Variants in WDR25 observed in about 807,000 individuals in gnomAD.
The protein encoded by WDR25 is WD repeat-containing protein 25.
WDR25 carries 35 observed loss-of-function variants against 47.7 expected under a neutral mutation model. The observed-to-expected ratio is 0.73, with a 90% CI of 0.56 to 0.97. WDR25 has a LOEUF of 0.97. WDR25 is among the 50% of genes least tolerant of loss of function. WDR25 has a pLI of 0.00. For synonymous variants in WDR25, 248 were observed against 278.9 expected, an observed-to-expected ratio of 0.89 and a Z score of 1.10; for missense variants, 634 against 704.7, an observed-to-expected ratio of 0.90 and a Z score of 1.14.
rs561382386 is a variant in WDR25, at chr14:100,452,684, G to A, written c.823-15337G>A. ...ATTCCAGGTGTGATGGGAAGCCACT[G>A]GATAGTTTGTGGGGTGGGGGGCTAT... On this transcript the variant is annotated intron_variant, in intron 2 of 6. Transcript: ENST00000402312. Among the ~76,000 whole-genome samples, 5 of 152,276 alleles carry A rather than the reference G, an allele frequency of 3.3e-5. No homozygotes were observed. The South Asian group carries it at 1.0e-3, about 32-fold the overall frequency.
chr14:100,511,383 A>G (rs967290408), intron 4 of WDR25, among the ~76,000 whole-genome samples: 1 of 152,196 alleles, frequency 6.6e-6, no homozygotes, highest in Non-Finnish European at 1.5e-5. Context: ...TGAATTCTGT[A>G]ACTCTTCTAA....
At position 100,459,930 on chromosome 14, in the gene WDR25, A is replaced by T. The variant is rs1168333097; in HGVS notation, c.823-8091A>T. Among the ~76,000 whole-genome samples the T allele has an allele frequency of 2.7e-5, 3 of 110,268 alleles. No individual in the cohort carries two copies. In the South Asian group the frequency reaches 8.3e-4, roughly 31 times the overall value. The allele number at this position is 110,268 out of a possible 152,430, so 72.3% of individuals were successfully genotyped here. On this transcript the variant is annotated intron_variant, in intron 2 of 6. Transcript: ENST00000402312. Reference sequence around the variant, plus strand: ...TATATATATATATATATATATATATATATATATATACACATACACATACAC... The same window carrying T: ...TATATATATATATATATATATATATTTATATATATACACATACACATACAC...
chr14:100,525,924 C>A lies in WDR25; in HGVS notation c.1156C>A (p.Arg386=), dbSNP rs200027763. 6.2e-7 allele frequency: 1 copy of A among 1,613,994 alleles called. No individual in the cohort carries two copies. Among genetic ancestry groups the A allele is most frequent in the Admixed American group, 1.7e-5 (1 of 60,020 alleles). ...IQQTLDILFL[R]EGSEFLSSTD... ...GCAGACCTTGGACATCCTGTTCCTCCGGGAAGGCTCCGAGTTCCTGAGCAG... is the reference window on the plus strand; with the variant it reads ...GCAGACCTTGGACATCCTGTTCCTCAGGGAAGGCTCCGAGTTCCTGAGCAG... Residue 386 remains arginine (R), a synonymous_variant, in exon 5 of 7, where the codon CGG becomes AGG. Transcript: ENST00000402312. The surrounding 1 kb of genome is among the most constrained non-coding windows in gnomAD (Gnocchi z 4.6).
chr14:100,505,340 C>T (rs919284617), intron 4 of WDR25, among the ~76,000 whole-genome samples: 9 of 152,268 alleles, frequency 5.9e-5, no homozygotes, highest in East Asian at 3.9e-4. Context: ...TTTGTTGAAA[C>T]GACATTATTT....
intron 1 of WDR25, 37 bp downstream of exon 1, chr14:100,376,532 G>T: frequency 8.1e-7 from 1 of 1,231,998 alleles, no homozygotes; most frequent in Non-Finnish European, 1.0e-6. Context: ...GGCTGGAGGG[G>T]CCGGGACTGG....
At position 100,518,373 on chromosome 14, in the gene WDR25, AT is replaced by A. The variant is rs547010757; in HGVS notation, c.1102-7486del. ...ATTGTTCTCCTCTGTGTAATTCTTC[AT>A]TTTTTTTTTTCCTGGGCACTGTCAA... On this transcript the variant is annotated intron_variant, in intron 4 of 6. Transcript: ENST00000402312. Among the ~76,000 whole-genome samples the A allele has an allele frequency of 4.2e-3, 597 of 141,242 alleles. 7 individuals are homozygous for A. The highest frequency in any genetic ancestry group is 0.012 in the African/African-American group (478 of 38,594). 92.7% of individuals were successfully genotyped at this position (141,242 alleles called of 152,430 possible).
At chr14:100,516,139 C>A (rs186809283) in intron 4 of WDR25, among the ~76,000 whole-genome samples, 1 of 151,854 alleles carries the variant, frequency 6.6e-6, no homozygotes, top group Non-Finnish European at 1.5e-5. Flanking sequence ...TTTTTGGATG[C>A]GGTTGTATTG....
chr14:100,425,058 G>A lies in WDR25; in HGVS notation c.823-42963G>A, dbSNP rs1321787332. On this transcript the variant is annotated intron_variant, in intron 2 of 6. Coordinates refer to ENST00000402312, the MANE Select transcript of WDR25 (RefSeq NM_001161476.3). This position sits in a 1 kb window ranked among gnomAD's most constrained non-coding sequence, Gnocchi z 4.8. The stretch of plus-strand genomic sequence containing the variant: ...ACCATCATATCTTGCCAAGACAAGT[G>A]CAGCAGCCTCAGAAATGTTCTCCCC... 6.6e-6 allele frequency among the ~76,000 whole-genome samples: 1 copy of A among 152,188 alleles called. No homozygotes were observed. The highest frequency in any genetic ancestry group is 1.5e-5 in the Non-Finnish European group (1 of 68,032).
intron 5 of WDR25, among the ~76,000 whole-genome samples, chr14:100,527,225 TACC>T (rs1347190739): frequency 6.7e-6 from 1 of 149,250 alleles, no homozygotes; most frequent in Non-Finnish European, 1.5e-5. Flanking sequence ...CCACCACCAT[TACC>T]ACCATCATCA....
chr14:100,516,508 A>G (rs1032638275), intron 4 of WDR25, among the ~76,000 whole-genome samples: 16 of 152,214 alleles, frequency 1.1e-4, no homozygotes, highest in Admixed American at 5.9e-4. Flanking sequence ...TCTCCTTTCA[A>G]TTCCATCAGT....
At chr14:100,437,643 A>G (rs1322784911) in intron 2 of WDR25, among the ~76,000 whole-genome samples, 1 of 152,146 alleles carries the variant, frequency 6.6e-6, no homozygotes, top group Non-Finnish European at 1.5e-5. Context: ...CATTATTATT[A>G]TTAGTATTAT....
chr14:100,526,692 A>G (rs1037943781), intron 5 of WDR25, among the ~76,000 whole-genome samples: 3 of 148,586 alleles, frequency 2.0e-5, no homozygotes, highest in Admixed American at 6.7e-5. Context: ...CACTGCCACC[A>G]TCATCGTCAC....
chr14:100,479,719 C>G (rs1900136375), intron 3 of WDR25, among the ~76,000 whole-genome samples: 1 of 152,200 alleles, frequency 6.6e-6, no homozygotes, highest in African/African-American at 2.4e-5. Context: ...GGATCCCCAA[C>G]CCCTGGGCCA....
Position 100,523,852 on chromosome 14 carries a change from G to A in WDR25, c.1102-2018G>A, listed in dbSNP as rs1274786932. Among the ~76,000 whole-genome samples, 3 of 152,224 alleles carry A rather than the reference G, an allele frequency of 2.0e-5. No individual in the cohort carries two copies. Among genetic ancestry groups the A allele is most frequent in the South Asian group, 4.1e-4 (2 of 4,824 alleles). On this transcript the variant is annotated intron_variant, in intron 4 of 6. Transcript: ENST00000402312. The surrounding 1 kb of genome is among the most constrained non-coding windows in gnomAD (Gnocchi z 4.7). ...CTTTTGGATCCAGCTCGTTAGGCTCGGGTAGCAGCGTCCCATGCCAGCTGT... is the reference window on the plus strand; with the variant it reads ...CTTTTGGATCCAGCTCGTTAGGCTCAGGTAGCAGCGTCCCATGCCAGCTGT...
intron 3 of WDR25, among the ~76,000 whole-genome samples, chr14:100,477,820 C>T (rs577118274): frequency 5.9e-5 from 9 of 152,262 alleles, no homozygotes; most frequent in Admixed American, 2.0e-4. Context: ...AGCCGGGCGC[C>T]GTGGCTCACG....
intron 4 of WDR25, among the ~76,000 whole-genome samples, chr14:100,510,977 G>A (rs567582386): frequency 8.2e-4 from 124 of 151,884 alleles, no homozygotes; most frequent in African/African-American, 2.8e-3. Context: ...AAATCAGCTC[G>A]TATAAGTCTT....
At position 100,529,809 on chromosome 14, in the gene WDR25, C is replaced by T. The variant is rs1449357018; in HGVS notation, c.1414-11C>T. On this transcript the variant is annotated splice_polypyrimidine_tract_variant and intron_variant, in intron 6 of 6. Transcript: ENST00000402312. The surrounding 1 kb of genome is among the most constrained non-coding windows in gnomAD (Gnocchi z 5.1). ...GTGCGGCTTGCTCACCCACTGTGTCCCTCTCTGCAGGTGGAGGGCTACTCA... is the reference window on the plus strand; with the variant it reads ...GTGCGGCTTGCTCACCCACTGTGTCTCTCTCTGCAGGTGGAGGGCTACTCA... The T allele has an allele frequency of 1.2e-6, 2 of 1,609,890 alleles. No individual in the cohort carries two copies. Among genetic ancestry groups the T allele is most frequent in the Non-Finnish European group, 1.7e-6 (2 of 1,179,208 alleles).
At chr14:100,376,896 A>G in intron 1 of WDR25, 1 of 485,078 alleles carries the variant, frequency 2.1e-6, no homozygotes, top group East Asian at 6.2e-5. Flanking sequence ...TTTGCATTCC[A>G]GAAATATTTT....
intron 3 of WDR25, among the ~76,000 whole-genome samples, chr14:100,483,267 A>G (rs1429371154): frequency 6.6e-6 from 1 of 152,204 alleles, no homozygotes; most frequent in African/African-American, 2.4e-5. Flanking sequence ...GACGTTTTCC[A>G]CACCATACGT....
Sources: gnomAD v4.1 joint callset for allele counts (sites outside exome capture counted in the v4.1 genomes callset) on GRCh38, gnomAD v4.1.1 for gene constraint, Gnocchi (gnomAD v3.1) non-coding constraint, MANE v1.5 for transcripts, NCBI Gene and HGNC (gene_info 2026-07-23, HGNC 2026-07-21) for gene names.